Variants in REC114 observed in about 807,000 individuals in gnomAD.
REC114 encodes the protein REC114 meiotic recombination protein.
Under a neutral mutation model 31.3 loss-of-function variants are expected in REC114, and 27 were observed. The ratio of observed to expected loss-of-function variants is 0.86; its 90% CI spans 0.64 to 1.19. REC114 has a LOEUF of 1.19. Among genes scored for constraint, REC114 ranks in the 50% most tolerant of loss-of-function variants. The pLI is 0.00. For synonymous variants in REC114, 134 were observed against 127.7 expected (o/e 1.05, Z -0.33); for missense variants, 344 against 326.9 (o/e 1.05, Z -0.40).
intron 2 of REC114, among the ~76,000 whole-genome samples, chr15:73,522,716 A>T (rs1893952772): frequency 6.6e-6 from 1 of 152,198 alleles, no homozygotes; most frequent in Non-Finnish European, 1.5e-5. Flanking sequence ...TCTAGTTTTT[A>T]TTAAGAATAA....
chr15:73,473,666 C>G (rs1305456360), intron 1 of REC114, among the ~76,000 whole-genome samples, 166 bp from the exon 2 acceptor site: 1 of 151,304 alleles, frequency 6.6e-6, no homozygotes, highest in East Asian at 1.9e-4. Flanking sequence ...TATGGAGAAG[C>G]TTAAAGTTGT....
chr15:73,488,143 G>T (rs1893398166), intron 2 of REC114, among the ~76,000 whole-genome samples: 1 of 152,200 alleles, frequency 6.6e-6, no homozygotes, highest in Non-Finnish European at 1.5e-5. Flanking sequence ...AGGTCAATGG[G>T]CACTCTGGGG....
intron 2 of REC114, among the ~76,000 whole-genome samples, chr15:73,499,836 T>C (rs753540983): frequency 6.6e-6 from 1 of 152,178 alleles, no homozygotes; most frequent in Non-Finnish European, 1.5e-5. Context: ...CACCCTTGCT[T>C]TTAATGTTTC....
chr15:73,550,189 A>G (rs1894368464), intron 3 of REC114, among the ~76,000 whole-genome samples: 1 of 152,216 alleles, frequency 6.6e-6, no homozygotes, highest in African/African-American at 2.4e-5. Flanking sequence ...AAGGGAAACT[A>G]TTCTAAAATG....
At chr15:73,503,011 A>G (rs2141309558) in intron 2 of REC114, among the ~76,000 whole-genome samples, 1 of 152,360 alleles carries the variant, frequency 6.6e-6, no homozygotes, top group East Asian at 1.9e-4. Flanking sequence ...TAAATGAACT[A>G]TAATACAACT....
At chr15:73,549,938 G>A (rs1439813460) in intron 3 of REC114, among the ~76,000 whole-genome samples, 1 of 152,132 alleles carries the variant, frequency 6.6e-6, no homozygotes, top group Non-Finnish European at 1.5e-5. Context: ...GAAAATCAAG[G>A]ACTATTTATT....
intron 2 of REC114, among the ~76,000 whole-genome samples, chr15:73,538,894 T>G (rs1380205239): frequency 6.6e-6 from 1 of 151,268 alleles, no homozygotes; most frequent in Admixed American, 6.6e-5. Context: ...TCCAATCTTA[T>G]GTTTAAAAAA....
chr15:73,546,180 A>T (rs1894305943), intron 3 of REC114, among the ~76,000 whole-genome samples: 2 of 152,176 alleles, frequency 1.3e-5, no homozygotes, highest in Non-Finnish European at 2.9e-5. Flanking sequence ...AAAGAAATGA[A>T]ATTTTTAAAA....
intron 2 of REC114, among the ~76,000 whole-genome samples, chr15:73,494,230 T>C (rs1893485067): frequency 6.6e-6 from 1 of 152,180 alleles, no homozygotes; most frequent in Non-Finnish European, 1.5e-5. Context: ...TTTGATAAGA[T>C]GAAGGTATGA....
At chr15:73,508,470 T>A (rs1463939266) in intron 2 of REC114, among the ~76,000 whole-genome samples, 2 of 151,168 alleles carry the variant, frequency 1.3e-5, no homozygotes, top group Non-Finnish European at 2.9e-5. Flanking sequence ...ATACTTTAAG[T>A]TTTAGGGTAT....
At chr15:73,484,554 T>A (rs781651724) in intron 2 of REC114, among the ~76,000 whole-genome samples, 2 of 152,196 alleles carry the variant, frequency 1.3e-5, no homozygotes. Context: ...CTCTTACATA[T>A]CATTGTAAAC....
At chr15:73,532,532 C>T (rs1367540257) in intron 2 of REC114, among the ~76,000 whole-genome samples, 10 of 151,026 alleles carry the variant, frequency 6.6e-5, no homozygotes, top group South Asian at 6.3e-4. Context: ...ATGGTATTTC[C>T]AGTTCTAGAT....
At chr15:73,471,197 A>G (rs1567857236) in intron 1 of REC114, among the ~76,000 whole-genome samples, 2 of 152,218 alleles carry the variant, frequency 1.3e-5, no homozygotes, top group Admixed American at 6.5e-5. Context: ...GGAGATTATT[A>G]TAATAATCCA....
intron 1 of REC114, among the ~76,000 whole-genome samples, chr15:73,472,918 T>G (rs1264108569): frequency 1.3e-5 from 2 of 152,152 alleles, no homozygotes; most frequent in Non-Finnish European, 2.9e-5. Context: ...AAGATCAAAC[T>G]CTTCAGTGTA....
At chr15:73,495,090 A>C (rs1893500532) in intron 2 of REC114, among the ~76,000 whole-genome samples, 1 of 152,206 alleles carries the variant, frequency 6.6e-6, no homozygotes, top group South Asian at 2.1e-4. Context: ...ATGTGAAGCC[A>C]GTAATACCAT....
At chr15:73,443,414 C>T in intron 1 of REC114, 70 bp downstream of exon 1, 1 of 1,465,138 alleles carries the variant, frequency 6.8e-7, no homozygotes. Context: ...CGCGAATACA[C>T]TGGGCCAGTG....
intron 2 of REC114, among the ~76,000 whole-genome samples, chr15:73,528,063 T>TA (rs147538535): frequency 0.014 from 2,054 of 151,358 alleles, 51 homozygotes; most frequent in African/African-American, 0.046. Context: ...GACACTTTTT[T>TA]AAAAAAAAAC....
At chr15:73,478,263 C>CAAAAAAA (rs57210193) in intron 2 of REC114, among the ~76,000 whole-genome samples, 3 of 40,352 alleles carry the variant, frequency 7.4e-5, no homozygotes, top group Admixed American at 2.8e-4. Flanking sequence ...GACTCTGTCT[C>CAAAAAAA]AAAAAAAAAA....
intron 1 of REC114, among the ~76,000 whole-genome samples, chr15:73,468,761 G>A (rs1182701331): frequency 6.6e-6 from 1 of 151,588 alleles, no homozygotes; most frequent in Non-Finnish European, 1.5e-5. Flanking sequence ...TTAAAATCAG[G>A]AATAGATGTT....
Sources: gnomAD v4.1 joint callset for allele counts (sites outside exome capture counted in the v4.1 genomes callset) on GRCh38, gnomAD v4.1.1 for gene constraint, MANE v1.5 for transcripts, NCBI Gene and HGNC (gene_info 2026-07-23, HGNC 2026-07-21) for gene names.